The following MANEA variants were observed in gnomAD, a reference collection of about 807,000 sequenced individuals.
MANEA encodes mannosidase endo-alpha, also known as glycoprotein endo-alpha-1,2-mannosidase.
MANEA carries 25 observed loss-of-function variants against 36.8 expected under a neutral mutation model. The ratio of observed to expected loss-of-function variants is 0.68; its 90% CI spans 0.50 to 0.95. The LOEUF (loss-of-function observed/expected upper bound fraction) is 0.95. Ranked by LOEUF, MANEA falls within the 40% of genes least tolerant of loss-of-function variation. The probability of loss-of-function intolerance (pLI) is 0.00; values close to 1 mark genes in which losing one functional copy is unlikely to be tolerated. For missense variants in MANEA, 565 were observed against 558.8 expected, an observed-to-expected ratio of 1.01 and a Z score of -0.11; for synonymous variants, 198 against 188.5, an observed-to-expected ratio of 1.05 and a Z score of -0.41.
At chr6:95,579,749 A>G (rs996104274) in intron 1 of MANEA, among the ~76,000 whole-genome samples, 8 of 152,176 alleles carry the variant, frequency 5.3e-5, no homozygotes, top group Non-Finnish European at 1.2e-4. Context: ...GATATGTCCA[A>G]TAATTTTTTA....
intron 2 of MANEA, among the ~76,000 whole-genome samples, chr6:95,590,870 T>C (rs1385461556): frequency 6.6e-6 from 1 of 152,196 alleles, no homozygotes; most frequent in Non-Finnish European, 1.5e-5. Context: ...ACATAAGAAA[T>C]GGTATTTTAC....
chr6:95,607,060 G>A lies in MANEA; in HGVS notation c.*655G>A, dbSNP rs1769730551. ...TACCATGACCAAATTGTGTTAGGAC[G>A]GCCTGCTATCTACAGCACAGTGTGT... On this transcript the variant is annotated 3_prime_UTR_variant, in exon 5 of 5. Transcript: ENST00000358812. 2 of 152,030 alleles carry A rather than the reference G, an allele frequency of 1.3e-5. No homozygotes were observed. Among genetic ancestry groups the A allele is most frequent in the South Asian group, 4.2e-4 (2 of 4,814 alleles). The allele number at this position is 152,030 out of a possible 1,614,324, so 9.4% of individuals were successfully genotyped here. A position where few individuals can be genotyped will look rare whatever the true frequency, so the allele number is the denominator to read the frequency against.
chr6:95,595,405 T>C (rs77333464), intron 2 of MANEA, among the ~76,000 whole-genome samples: 1 of 152,170 alleles, frequency 6.6e-6, no homozygotes, highest in African/African-American at 2.4e-5. Context: ...TTATAGGTTA[T>C]TTTTTCTATG....
chr6:95,600,914 A>C (rs531584611), intron 3 of MANEA, among the ~76,000 whole-genome samples: 83 of 152,198 alleles, frequency 5.5e-4, no homozygotes, highest in Non-Finnish European at 1.0e-3. Context: ...TTGTAATTGT[A>C]ATTTTGATTT....
chr6:95,599,945 T>G (rs1480537542), intron 3 of MANEA, among the ~76,000 whole-genome samples: 3 of 152,134 alleles, frequency 2.0e-5, no homozygotes, highest in Admixed American at 6.6e-5. Flanking sequence ...GTTGGGTAAG[T>G]GATTGATTTA....
At chr6:95,588,171 GT>G (rs1189827442) in intron 2 of MANEA, 1 of 151,894 alleles carries the variant, frequency 6.6e-6, no homozygotes, top group Non-Finnish European at 1.5e-5. Flanking sequence ...AAACCTTCCA[GT>G]TTCAGTTTCA....
chr6:95,587,916 T>C (rs902020091), intron 2 of MANEA, among the ~76,000 whole-genome samples: 1 of 152,070 alleles, frequency 6.6e-6, no homozygotes, highest in Admixed American at 6.6e-5. Flanking sequence ...TTATTCTGTT[T>C]TATATTTTCT....
At chr6:95,577,956 G>T (rs1212134036) in intron 1 of MANEA, among the ~76,000 whole-genome samples, 1 of 152,212 alleles carries the variant, frequency 6.6e-6, no homozygotes, top group Admixed American at 6.5e-5. Context: ...ACCTCCTGTC[G>T]CCTCGGATTT....
rs377223224 is a variant in MANEA, at chr6:95,596,760, C to G, written c.568C>G (p.Pro190Ala). Residue 190 changes from proline to alanine, a missense_variant, in exon 3 of 5, where the codon CCA becomes GCA. Physicochemically the swap from Pro to Ala is conservative, Grantham distance 27 (BLOSUM62 -1). Coordinates refer to ENST00000358812, the MANE Select transcript of MANEA (RefSeq NM_024641.4). ...SIGVLALSWY[P>A]PDVNDENGEP... ...AGGTGTACTAGCCCTCTCTTGGTAC[C>G]CACCTGATGTAAATGATGAAAATGG... The G allele has an allele frequency of 4.4e-6, 7 of 1,603,140 alleles. No homozygotes were observed. In the East Asian group the frequency reaches 1.6e-4, roughly 36 times the overall value.
chr6:95,603,382 T>C (rs1769636733), intron 3 of MANEA, among the ~76,000 whole-genome samples: 1 of 152,080 alleles, frequency 6.6e-6, no homozygotes, highest in Non-Finnish European at 1.5e-5. Flanking sequence ...TCAACTGAAT[T>C]TAAAAAGCAA....
chr6:95,588,930 C>CT (rs1006682586), intron 2 of MANEA, among the ~76,000 whole-genome samples: 4 of 151,494 alleles, frequency 2.6e-5, no homozygotes, highest in African/African-American at 9.7e-5. Flanking sequence ...TTATAAAGAC[C>CT]TTTTTCCCTG....
At chr6:95,597,143 G>A (rs1769497087) in intron 3 of MANEA, among the ~76,000 whole-genome samples, 1 of 151,868 alleles carries the variant, frequency 6.6e-6, no homozygotes, top group African/African-American at 2.4e-5. Context: ...TATCTTAGAT[G>A]TCAAAAATCT....
rs1469174243 is a variant in MANEA, at chr6:95,596,717, T to C, written c.545-20T>C. On this transcript the variant is annotated intron_variant, in intron 2 of 4. Transcript: ENST00000358812. The stretch of plus-strand genomic sequence containing the variant: ...TTCATGTTCTTGTCTTTTCCCTTTC[T>C]TTTTGGTCTTTTCTATTAGGTGTAC... 2.3e-6 allele frequency: 3 copies of C among 1,305,784 alleles called. No homozygotes were observed. The highest frequency in any genetic ancestry group is 3.3e-6 in the Non-Finnish European group (3 of 903,466). The allele number at this position is 1,305,784 out of a possible 1,614,324, so 80.9% of individuals were successfully genotyped here.
intron 2 of MANEA, 70 bp downstream of exon 2, chr6:95,587,053 C>A: frequency 1.1e-6 from 1 of 888,146 alleles, no homozygotes; most frequent in Non-Finnish European, 1.8e-6. Flanking sequence ...TTTTGTGTAA[C>A]TTTACTAGTT....
intron 2 of MANEA, chr6:95,588,388 C>T (rs372072462): frequency 2.0e-5 from 3 of 151,940 alleles, no homozygotes; most frequent in African/African-American, 7.2e-5. Context: ...CTTGTATGGA[C>T]TAACTTTTTT....
intron 2 of MANEA, among the ~76,000 whole-genome samples, chr6:95,588,575 A>G (rs1261259928): frequency 6.6e-6 from 1 of 151,964 alleles, no homozygotes; most frequent in East Asian, 1.9e-4. Context: ...GAATCTTTTC[A>G]AATGATATTT....
intron 1 of MANEA, among the ~76,000 whole-genome samples, chr6:95,581,475 C>G (rs143918819): frequency 1.3e-5 from 2 of 152,136 alleles, no homozygotes; most frequent in Admixed American, 6.5e-5. Flanking sequence ...GAAAATGAAC[C>G]TAAGAAATTT....
At chr6:95,598,861 G>A (rs531728584) in intron 3 of MANEA, among the ~76,000 whole-genome samples, 5 of 152,110 alleles carry the variant, frequency 3.3e-5, no homozygotes, top group Admixed American at 2.6e-4. Context: ...ATTTTGAGAA[G>A]AAGTGTTTAT....
chr6:95,601,005 C>A (rs1769580574), intron 3 of MANEA, among the ~76,000 whole-genome samples: 5 of 151,918 alleles, frequency 3.3e-5, no homozygotes. Flanking sequence ...ATGATTGGTG[C>A]TTTAGTTATT....
Sources: gnomAD v4.1 joint callset for allele counts (sites outside exome capture counted in the v4.1 genomes callset) on GRCh38, gnomAD v4.1.1 for gene constraint, MANE v1.5 for transcripts, NCBI Gene and HGNC (gene_info 2026-07-23, HGNC 2026-07-21) for gene names.